The following ARID1B variants were observed in gnomAD, a reference collection of about 807,000 sequenced individuals.
The protein encoded by ARID1B is AT-rich interaction domain 1B.
ARID1B carries 30 observed loss-of-function variants against 212.3 expected under a neutral mutation model. The ratio of observed to expected loss-of-function variants is 0.14; its 90% confidence interval spans 0.11 to 0.19. ARID1B has a LOEUF of 0.19. Ranked by LOEUF, ARID1B falls within the 10% of genes least tolerant of loss-of-function variation. The probability of loss-of-function intolerance (pLI) is 1.00; values close to 1 mark genes in which losing one functional copy is unlikely to be tolerated. For synonymous variants in ARID1B, 1,402 were observed against 1,301.7 expected, an observed-to-expected ratio of 1.08 and a Z score of -1.66; for missense variants, 2,891 against 3,204.0, an observed-to-expected ratio of 0.90 and a Z score of 2.36.
intron 4 of ARID1B, among the ~76,000 whole-genome samples, chr6:157,038,642 T>G (rs1781492452): frequency 6.6e-6 from 1 of 152,226 alleles, no homozygotes; most frequent in Non-Finnish European, 1.5e-5. Context: ...AATTCAGTAT[T>G]ATTTACAGTA....
chr6:156,892,674 T>C (rs1788032994), intron 2 of ARID1B, among the ~76,000 whole-genome samples: 1 of 152,226 alleles, frequency 6.6e-6, no homozygotes, highest in African/African-American at 2.4e-5. Flanking sequence ...AATTCCTTCA[T>C]GTCTCTTTCC....
chr6:157,161,818 T>C (rs1224822557), intron 8 of ARID1B, among the ~76,000 whole-genome samples: 1 of 152,212 alleles, frequency 6.6e-6, no homozygotes, highest in Non-Finnish European at 1.5e-5. Context: ...GTTTATGTTG[T>C]TAGTAAGCAG....
chr6:157,184,806 A>C (rs985986507), intron 13 of ARID1B: 15 of 262,912 alleles, frequency 5.7e-5, no homozygotes, highest in Admixed American at 2.0e-4. Context: ...ATACATGTGC[A>C]CTTCTAGGAA....
At chr6:157,068,355 A>G (rs1390898037) in intron 4 of ARID1B, among the ~76,000 whole-genome samples, 1 of 152,210 alleles carries the variant, frequency 6.6e-6, no homozygotes, top group African/African-American at 2.4e-5. Flanking sequence ...GGTGAGAGGT[A>G]GCTGTCTTCA....
intron 4 of ARID1B, among the ~76,000 whole-genome samples, chr6:157,031,141 C>T (rs971849687): frequency 4.0e-5 from 6 of 151,516 alleles, no homozygotes; most frequent in South Asian, 2.1e-4. Context: ...AAGAAAAACA[C>T]GGAACAACTT....
intron 5 of ARID1B, among the ~76,000 whole-genome samples, chr6:157,108,570 C>T (rs1166285704): frequency 6.6e-6 from 1 of 152,122 alleles, no homozygotes; most frequent in Non-Finnish European, 1.5e-5. Context: ...GATTGGAGGC[C>T]TTAGGGTATT....
At chr6:156,836,872 C>T (rs1001010773) in intron 2 of ARID1B, among the ~76,000 whole-genome samples, 1 of 151,916 alleles carries the variant, frequency 6.6e-6, no homozygotes, top group Admixed American at 6.5e-5. Context: ...GCCATGTAGC[C>T]CAGGCTGGTT....
chr6:157,018,973 C>T (rs745931616), intron 4 of ARID1B, among the ~76,000 whole-genome samples: 1 of 151,740 alleles, frequency 6.6e-6, no homozygotes, highest in Non-Finnish European at 1.5e-5. Flanking sequence ...GAATAAAGGG[C>T]TGAAAAAAAA....
chr6:156,927,311 C>G (rs916365934), intron 3 of ARID1B, among the ~76,000 whole-genome samples: 1 of 152,108 alleles, frequency 6.6e-6, no homozygotes, highest in African/African-American at 2.4e-5. Context: ...TTTATTGAAA[C>G]TGGGACATTT....
intron 4 of ARID1B, among the ~76,000 whole-genome samples, chr6:157,084,117 A>G (rs1158078280): frequency 6.7e-6 from 1 of 150,350 alleles, no homozygotes; most frequent in African/African-American, 2.5e-5. Flanking sequence ...CTGGGCGACA[A>G]GAGTGAGACT....
Position 157,207,888 on chromosome 6 carries a change from A to G in ARID1B, c.7116A>G (p.Leu2372=), listed in dbSNP as rs960919498. ...ATGTACTGTTTCAGATTGGGCAGTT[A>G]TGACATAAGTGAGAAGGCAAGCATG... The part of the protein sequence containing the change: ...ICDVLFQIGQ[L] Residue 2372 remains leucine (L), a synonymous_variant, in exon 20 of 20, where the codon TTA becomes TTG. Coordinates refer to ENST00000636930, the MANE Select transcript of ARID1B (RefSeq NM_001374828.1). This position sits in a 1 kb window ranked among gnomAD's most constrained non-coding sequence, Gnocchi z 8.5. The G allele has an allele frequency of 1.3e-6, 2 of 1,491,664 alleles. No individual in the cohort carries two copies. The highest frequency in any genetic ancestry group is 2.8e-5 in the African/African-American group (2 of 71,522). The allele number at this position is 1,491,664 out of a possible 1,614,324, so 92.4% of individuals were successfully genotyped here.
At chr6:157,013,084 G>T (rs913840379) in intron 4 of ARID1B, among the ~76,000 whole-genome samples, 7 of 152,158 alleles carry the variant, frequency 4.6e-5, no homozygotes, top group African/African-American at 1.7e-4. Flanking sequence ...TCTCCATGTT[G>T]GTCAGGCTGG....
At chr6:156,913,298 C>T (rs1790062772) in intron 3 of ARID1B, among the ~76,000 whole-genome samples, 2 of 149,692 alleles carry the variant, frequency 1.3e-5, no homozygotes, top group African/African-American at 4.9e-5. Context: ...CTCACTGCAA[C>T]CTCTGCCTCC....
intron 2 of ARID1B, among the ~76,000 whole-genome samples, chr6:156,875,526 A>G (rs1244755958): frequency 1.3e-5 from 2 of 152,194 alleles, no homozygotes; most frequent in African/African-American, 4.8e-5. Context: ...GTTTTTGATT[A>G]TTTTTATTTC....
intron 4 of ARID1B, among the ~76,000 whole-genome samples, chr6:156,998,592 G>T (rs542407031): frequency 2.6e-5 from 4 of 152,108 alleles, no homozygotes; most frequent in Non-Finnish European, 5.9e-5. Flanking sequence ...TGACTGCTGC[G>T]AGCTGACAGT....
At chr6:157,033,983 T>A (rs751562341) in intron 4 of ARID1B, among the ~76,000 whole-genome samples, 6 of 152,336 alleles carry the variant, frequency 3.9e-5, no homozygotes, top group Non-Finnish European at 8.8e-5. Flanking sequence ...AATTTGTCTC[T>A]GTATTTGTTA....
intron 5 of ARID1B, among the ~76,000 whole-genome samples, chr6:157,097,099 T>C (rs1391563022): frequency 6.6e-6 from 1 of 152,196 alleles, no homozygotes; most frequent in Non-Finnish European, 1.5e-5. Context: ...AAAGTATGAG[T>C]TTTATGCCAA....
chr6:157,021,001 G>A (rs184937421), intron 4 of ARID1B, among the ~76,000 whole-genome samples: 30 of 152,330 alleles, frequency 2.0e-4, no homozygotes, highest in African/African-American at 7.0e-4. Flanking sequence ...TTTAGCGCTT[G>A]CCCTGAACAG....
intron 13 of ARID1B, chr6:157,184,853 G>T (rs560863236): frequency 4.6e-4 from 91 of 199,388 alleles, no homozygotes; most frequent in Non-Finnish European, 8.5e-4. Flanking sequence ...GAGCTCCCCC[G>T]CCCTCTTTCG....
Sources: allele counts gnomAD v4.1 joint callset (sites outside exome capture counted in the v4.1 genomes callset), GRCh38; gene constraint gnomAD v4.1.1; non-coding constraint Gnocchi (gnomAD v3.1); transcripts MANE v1.5; gene names NCBI Gene and HGNC (gene_info 2026-07-23, HGNC 2026-07-21).